TENM3: variants seen among roughly 807,000 people sequenced by gnomAD.
TENM3 encodes the protein teneurin-3.
A neutral mutation model predicts 255.1 loss-of-function variants in TENM3; 63 were observed. The observed-to-expected ratio is 0.25, with a 90% CI of 0.20 to 0.30. TENM3 has a LOEUF of 0.30. Ranked by LOEUF, TENM3 falls within the 10% of genes least tolerant of loss-of-function variation. The pLI, the probability that TENM3 is intolerant of heterozygous loss-of-function variation, is 1.00. For synonymous variants in TENM3, 1,306 were observed against 1,322.3 expected (o/e 0.99, Z 0.27); for missense variants, 2,929 against 3,461.1 (o/e 0.85, Z 3.86).
the TENM3 span, among the ~76,000 whole-genome samples, chr4:182,014,142 A>G: frequency 1.3e-4 from 19 of 147,018 alleles, no homozygotes; most frequent in Middle Eastern, 3.3e-3. Context: ...ATACACACAC[A>G]TATATACTTA....
At chr4:182,009,124 C>T in the TENM3 span, among the ~76,000 whole-genome samples, 389 of 152,178 alleles carry the variant, frequency 2.6e-3, 1 homozygote, top group African/African-American at 8.8e-3. Flanking sequence ...CTTCTGGGAC[C>T]TCTGACCTCA....
the TENM3 span, among the ~76,000 whole-genome samples, chr4:181,543,494 C>T: frequency 1.3e-5 from 2 of 152,202 alleles, no homozygotes; most frequent in South Asian, 2.1e-4. Flanking sequence ...AAAGCTCTGA[C>T]TTAATTTCTG....
At chr4:181,957,837 C>T in the TENM3 span, among the ~76,000 whole-genome samples, 5 of 152,138 alleles carry the variant, frequency 3.3e-5, no homozygotes, top group East Asian at 1.9e-4. Flanking sequence ...TGGCTCAGCG[C>T]ACTAAATGTT....
chr4:182,759,456 A>G (rs141933680), intron 22 of TENM3, among the ~76,000 whole-genome samples: 47 of 152,382 alleles, frequency 3.1e-4, no homozygotes, highest in African/African-American at 1.1e-3. Context: ...CCAATACTGA[A>G]TGTTGAAAAT....
intron 3 of TENM3, among the ~76,000 whole-genome samples, chr4:182,481,982 G>A (rs1302997482): frequency 2.0e-5 from 3 of 152,050 alleles, no homozygotes; most frequent in Non-Finnish European, 4.4e-5. Flanking sequence ...AATTTCTCTA[G>A]ACAGTGCACA....
At chr4:182,340,712 CA>C (rs1467466135) in intron 2 of TENM3, among the ~76,000 whole-genome samples, 1 of 152,104 alleles carries the variant, frequency 6.6e-6, no homozygotes. Context: ...TTTGCAAATA[CA>C]GCAAAAGAGA....
chr4:181,601,396 T>C, the TENM3 span, among the ~76,000 whole-genome samples: 1 of 152,146 alleles, frequency 6.6e-6, no homozygotes, highest in Non-Finnish European at 1.5e-5. Flanking sequence ...AGGCCAGAAG[T>C]CCAAGGTCAA....
chr4:182,743,231 T>G lies in TENM3; in HGVS notation c.3441T>G (p.Ser1147Arg). The change falls in exon 19 of 28, where the codon AGT becomes AGG. Residue 1147 changes from serine to arginine, a missense_variant. By Grantham distance (110) the Ser-to-Arg change is moderately radical. This residue lies in a region of TENM3 where 1,608 missense variants were observed against 1,884.4 expected (regional missense o/e 0.85). Transcript: ENST00000511685. ...QFISQQPPVV[S>R]SIMGNGRRRS... Reference sequence around the variant, plus strand: ...TCTCCCAGCAGCCTCCAGTCGTGAGTAGCATCATGGGCAATGGGCGAAGGC... The same window carrying G: ...TCTCCCAGCAGCCTCCAGTCGTGAGGAGCATCATGGGCAATGGGCGAAGGC... 1 of 1,613,970 alleles carries G rather than the reference T, an allele frequency of 6.2e-7. No homozygotes were observed. The highest frequency in any genetic ancestry group is 2.2e-5 in the East Asian group (1 of 44,884).
At chr4:181,885,893 T>C in the TENM3 span, among the ~76,000 whole-genome samples, 1 of 152,166 alleles carries the variant, frequency 6.6e-6, no homozygotes, top group Non-Finnish European at 1.5e-5. Context: ...TAAAAGCTAG[T>C]TAATCTTCTG....
At chr4:182,015,070 C>T in the TENM3 span, among the ~76,000 whole-genome samples, 2 of 152,288 alleles carry the variant, frequency 1.3e-5, no homozygotes, top group East Asian at 3.9e-4. Flanking sequence ...AGAGTATATC[C>T]TATTTTCAAA....
chr4:182,538,738 T>C (rs1463022857), intron 3 of TENM3, among the ~76,000 whole-genome samples: 1 of 151,968 alleles, frequency 6.6e-6, no homozygotes, highest in Non-Finnish European at 1.5e-5. Flanking sequence ...TGGAAGATAT[T>C]TAGAGAATAC....
At chr4:181,923,849 T>C in the TENM3 span, among the ~76,000 whole-genome samples, 3 of 152,288 alleles carry the variant, frequency 2.0e-5, no homozygotes, top group African/African-American at 7.2e-5. Context: ...AGCATGGATC[T>C]AGGAACAGAA....
chr4:182,521,500 A>G (rs1348024741), intron 3 of TENM3, among the ~76,000 whole-genome samples: 2 of 152,204 alleles, frequency 1.3e-5, no homozygotes, highest in African/African-American at 4.8e-5. Flanking sequence ...CTGTCTCCAC[A>G]GGTTGGCTGC....
chr4:181,709,635 C>T, the TENM3 span, among the ~76,000 whole-genome samples: 1 of 152,198 alleles, frequency 6.6e-6, no homozygotes, highest in African/African-American at 2.4e-5. Context: ...GAAGGGTGGC[C>T]CCTGGCCAGA....
At chr4:182,699,929 A>C (rs1350942365) in intron 12 of TENM3, among the ~76,000 whole-genome samples, 1 of 152,126 alleles carries the variant, frequency 6.6e-6, no homozygotes, top group Non-Finnish European at 1.5e-5. Flanking sequence ...CCAGAAATAA[A>C]GATAGAAAAT....
intron 3 of TENM3, among the ~76,000 whole-genome samples, chr4:182,484,921 C>G (rs1258112109): frequency 6.6e-6 from 1 of 151,986 alleles, no homozygotes; most frequent in Admixed American, 6.6e-5. Context: ...CTCTAATGGC[C>G]ACAGATACTC....
the TENM3 span, among the ~76,000 whole-genome samples, chr4:181,547,035 ACCCC>A: frequency 1.3e-5 from 2 of 152,092 alleles, no homozygotes; most frequent in South Asian, 2.1e-4. Flanking sequence ...AAATGATCCT[ACCCC>A]CATTTTTTAG....
the TENM3 span, among the ~76,000 whole-genome samples, chr4:182,066,599 A>AATATATATATATATAT: frequency 1.5e-5 from 2 of 137,116 alleles, no homozygotes; most frequent in South Asian, 2.2e-4. Context: ...GTAAAAAAAA[A>AATATATATATATATAT]ATATATATAT....
At chr4:182,740,490 A>C (rs1392066390) in intron 18 of TENM3, among the ~76,000 whole-genome samples, 1 of 152,240 alleles carries the variant, frequency 6.6e-6, no homozygotes, top group African/African-American at 2.4e-5. Context: ...CAGTTTGAAC[A>C]TATTTCTGTA....
Sources: allele counts gnomAD v4.1 joint callset (sites outside exome capture counted in the v4.1 genomes callset), GRCh38; gene constraint gnomAD v4.1.1; regional missense constraint gnomAD v4.1.1; transcripts MANE v1.5; gene names NCBI Gene and HGNC (gene_info 2026-07-23, HGNC 2026-07-21).